Variants in CXCL13 observed in about 807,000 individuals in gnomAD.
CXCL13 encodes C-X-C motif chemokine 13.
CXCL13 carries 7 observed loss-of-function variants against 12.2 expected under a neutral mutation model. The observed-to-expected ratio is 0.57, with a 90% CI of 0.33 to 1.07. The LOEUF is 1.07. Ranked by LOEUF, CXCL13 falls within the 50% of genes least tolerant of loss-of-function variation. The probability of loss-of-function intolerance (pLI) is 0.04; values close to 1 mark genes in which losing one functional copy is unlikely to be tolerated. For missense variants in CXCL13, 113 were observed against 127.4 expected (o/e 0.89, Z 0.55); for synonymous variants, 47 against 42.4 (o/e 1.11, Z -0.42).
At chr4:77,604,510 G>A (rs1726957176), upstream of CXCL13, among the ~76,000 whole-genome samples, 1 of 150,516 alleles carries the variant, frequency 6.6e-6, no homozygotes, top group African/African-American at 2.4e-5. Flanking sequence ...GTGATAAGGG[G>A]TTGAATTAGG....
intron 1 of CXCL13, among the ~76,000 whole-genome samples, chr4:77,576,072 T>C (rs560994780): frequency 1.3e-5 from 2 of 151,994 alleles, no homozygotes; most frequent in African/African-American, 4.8e-5. Flanking sequence ...AGATGGTTTA[T>C]AATCAGCTAC....
intron 1 of CXCL13, among the ~76,000 whole-genome samples, chr4:77,529,610 T>C: frequency 6.6e-6 from 1 of 152,202 alleles, no homozygotes; most frequent in Non-Finnish European, 1.5e-5. Flanking sequence ...GCTTGTGATT[T>C]TTGCACATTG....
chr4:77,555,924 G>A (rs1271142372), intron 1 of CXCL13, among the ~76,000 whole-genome samples: 3 of 152,094 alleles, frequency 2.0e-5, no homozygotes, highest in Non-Finnish European at 4.4e-5. Context: ...CATACCCATA[G>A]AATGGCTAAA....
chr4:77,532,949 T>C (rs1313471991), intron 1 of CXCL13, among the ~76,000 whole-genome samples: 22 of 152,168 alleles, frequency 1.4e-4, no homozygotes, highest in African/African-American at 5.3e-4. Flanking sequence ...TAATTTTTTT[T>C]TAGGTTTTTA....
intron 1 of CXCL13, among the ~76,000 whole-genome samples, chr4:77,559,764 T>C (rs914341057): frequency 2.0e-5 from 3 of 151,822 alleles, no homozygotes; most frequent in Non-Finnish European, 2.9e-5. Flanking sequence ...CTACTAAAAA[T>C]ACAAAAAATT....
chr4:77,562,471 C>A (rs951846664), intron 1 of CXCL13, among the ~76,000 whole-genome samples: 7 of 152,044 alleles, frequency 4.6e-5, no homozygotes, highest in Non-Finnish European at 1.0e-4. Flanking sequence ...CCAATCAGTA[C>A]TCTGTGTCTA....
chr4:77,559,642 G>A (rs1725753720), intron 1 of CXCL13, among the ~76,000 whole-genome samples: 1 of 151,670 alleles, frequency 6.6e-6, no homozygotes, highest in Admixed American at 6.6e-5. Flanking sequence ...TGACACTCTG[G>A]CCAGGCGCAG....
At chr4:77,585,171 T>C (rs1159611653) in intron 1 of CXCL13, among the ~76,000 whole-genome samples, 1 of 152,218 alleles carries the variant, frequency 6.6e-6, no homozygotes, top group African/African-American at 2.4e-5. Flanking sequence ...TTATCAAAGC[T>C]GTTTTCTGAA....
intron 1 of CXCL13, among the ~76,000 whole-genome samples, chr4:77,545,996 T>C (rs891109444): frequency 6.6e-6 from 1 of 152,208 alleles, no homozygotes; most frequent in African/African-American, 2.4e-5. Flanking sequence ...TCTGCCTCTA[T>C]TGAGATCATG....
At chr4:77,564,928 A>G (rs571152608) in intron 1 of CXCL13, among the ~76,000 whole-genome samples, 6 of 152,350 alleles carry the variant, frequency 3.9e-5, no homozygotes, top group African/African-American at 1.4e-4. Context: ...GCAACCAAAC[A>G]TAAACATCCA....
At chr4:77,564,867 C>T (rs1231228311) in intron 1 of CXCL13, among the ~76,000 whole-genome samples, 1 of 152,170 alleles carries the variant, frequency 6.6e-6, no homozygotes, top group Admixed American at 6.5e-5. Flanking sequence ...TGGTGCAATC[C>T]TTTGTGGAGC....
In CXCL13 at chr4:77,611,287, T is replaced by G; in HGVS notation, c.*248T>G. On this transcript the variant is annotated 3_prime_UTR_variant, in exon 4 of 4. Transcript: ENST00000682537. The stretch of plus-strand genomic sequence containing the variant: ...GGAAAGTTTCTTTGAAAATAGTTAT[T>G]CAGTTATAAGTAATACAGGATTATT... The G allele has an allele frequency of 4.7e-6, 2 of 422,172 alleles. No homozygotes were observed. The highest frequency in any genetic ancestry group is 4.2e-6 in the Non-Finnish European group (1 of 239,214). The allele number at this position is 422,172 out of a possible 1,614,324, so 26.2% of individuals were successfully genotyped here.
At chr4:77,533,860 G>T (rs2109796544) in intron 1 of CXCL13, among the ~76,000 whole-genome samples, 1 of 152,294 alleles carries the variant, frequency 6.6e-6, no homozygotes, top group East Asian at 1.9e-4. Context: ...CTCCTGGTGT[G>T]CCATTTGCTA....
At chr4:77,529,400 C>T (rs966874994) in intron 1 of CXCL13, among the ~76,000 whole-genome samples, 16 of 152,182 alleles carry the variant, frequency 1.1e-4, no homozygotes, top group African/African-American at 3.9e-4. Context: ...ATTGGTTCTT[C>T]CTACCCATGA....
At chr4:77,573,408 G>GTGTGTA (rs1560530196) in intron 1 of CXCL13, among the ~76,000 whole-genome samples, 1 of 127,052 alleles carries the variant, frequency 7.9e-6, no homozygotes, top group East Asian at 2.5e-4. Context: ...GTGTGTGTGT[G>GTGTGTA]TGTATGTCTA....
At chr4:77,540,484 G>A (rs369386103) in intron 1 of CXCL13, among the ~76,000 whole-genome samples, 10 of 152,174 alleles carry the variant, frequency 6.6e-5, no homozygotes, top group South Asian at 4.2e-4. Flanking sequence ...AGTACCCAGT[G>A]TTTAGCTCCC....
chr4:77,611,051 C>T lies in CXCL13; in HGVS notation c.*12C>T. The T allele has an allele frequency of 6.3e-7, 1 of 1,599,676 alleles. No homozygotes were observed. The highest frequency in any genetic ancestry group is 8.5e-7 in the Non-Finnish European group (1 of 1,170,174). On this transcript the variant is annotated 3_prime_UTR_variant, in exon 4 of 4. Transcript: ENST00000682537. Reference sequence around the variant, plus strand: ...GAAAGATTCCCTGATGCTGATATTTCCACTAAGAACACCTGCATTCTTCCC... The same window carrying T: ...GAAAGATTCCCTGATGCTGATATTTTCACTAAGAACACCTGCATTCTTCCC...
chr4:77,604,865 G>T (rs1476111228), upstream of CXCL13, among the ~76,000 whole-genome samples: 1 of 152,148 alleles, frequency 6.6e-6, no homozygotes, highest in Non-Finnish European at 1.5e-5. Flanking sequence ...CAGTGGGTCT[G>T]GTTTGATACA....
chr4:77,551,654 G>A (rs1044631500), intron 1 of CXCL13, among the ~76,000 whole-genome samples: 3 of 152,066 alleles, frequency 2.0e-5, no homozygotes, highest in African/African-American at 4.8e-5. Context: ...GCAAGATAAG[G>A]GAAATGTTCT....
Sources: gnomAD v4.1 joint callset for allele counts (sites outside exome capture counted in the v4.1 genomes callset) on GRCh38, gnomAD v4.1.1 for gene constraint, MANE v1.5 for transcripts, NCBI Gene and HGNC (gene_info 2026-07-23, HGNC 2026-07-21) for gene names.